AATK: variants seen among roughly 807,000 people sequenced by gnomAD.
AATK encodes lemur tail kinase 1, also known as serine/threonine-protein kinase LMTK1.
In AATK, 91 loss-of-function variants were observed where a neutral mutation model predicts 114.3. That is an observed-to-expected ratio of 0.80 (90% CI 0.67 to 0.95). The LOEUF is 0.95. AATK is among the 40% of genes least tolerant of loss of function. The pLI, the probability that AATK is intolerant of heterozygous loss-of-function variation, is 0.00. For synonymous variants in AATK, 1,075 were observed against 916.5 expected (o/e 1.17, Z -3.12); for missense variants, 2,176 against 1,965.2 (o/e 1.11, Z -2.03).
intron 1 of AATK, among the ~76,000 whole-genome samples, chr17:81,154,779 G>GC (rs1231622886): frequency 7.0e-5 from 10 of 142,802 alleles, no homozygotes; most frequent in African/African-American, 2.6e-4. Context: ...ACAGACTTGC[G>GC]CCATCACACC....
rs1005807583 is a variant in AATK, at chr17:81,160,510, T to A, written c.55+5428A>T. The stretch of plus-strand genomic sequence containing the variant: ...GGGGCGGGGAGGCCAAGGCCGCCGG[T>A]CCCGCGGGCGCTTGTTCCTCTGTGA... On this transcript the variant is annotated intron_variant, in intron 1 of 13. Coordinates refer to ENST00000326724, the MANE Select transcript of AATK (RefSeq NM_001080395.3). Among the ~76,000 whole-genome samples the A allele has an allele frequency of 2.0e-5, 3 of 152,174 alleles. 1 individual carries two copies. In the South Asian group the frequency reaches 6.2e-4, roughly 32 times the overall value.
At position 81,118,362 on chromosome 17, in the gene AATK, C is replaced by T; in HGVS notation, c.*40G>A. On this transcript the variant is annotated 3_prime_UTR_variant, in exon 14 of 14. Coordinates refer to ENST00000326724, the MANE Select transcript of AATK (RefSeq NM_001080395.3). ...TCCTCGCTGCTGCCTGGCAGGGGCT[C>T]CGGTGACGCCAGCCTTGAGGGGCAG... 6.3e-7 allele frequency: 1 copy of T among 1,579,852 alleles called. No individual in the cohort carries two copies. The highest frequency in any genetic ancestry group is 8.6e-7 in the Non-Finnish European group (1 of 1,163,292).
chr17:81,121,637 C>T lies in AATK; in HGVS notation c.2299G>A (p.Glu767Lys), dbSNP rs1488986104. ...APCLVTPSWT[E>K]TASSGGDHPQ... ...TGGTCACCCCCACTACTGGCTGTCTCTGTCCAGGAGGGTGTAACCAGGCAG... is the reference window on the plus strand; with the variant it reads ...TGGTCACCCCCACTACTGGCTGTCTTTGTCCAGGAGGGTGTAACCAGGCAG... Residue 767 changes from glutamate (E) to lysine (K), a missense_variant, in exon 11 of 14, where the codon GAG (glutamate) becomes AAG (lysine). This residue lies in a region of AATK where 1,701 missense variants were observed against 1,394.7 expected (regional missense o/e 1.22). Coordinates refer to ENST00000326724, the MANE Select transcript of AATK (RefSeq NM_001080395.3). The T allele has an allele frequency of 6.7e-7, 1 of 1,492,774 alleles. No individual in the cohort carries two copies. Among genetic ancestry groups the T allele is most frequent in the Non-Finnish European group, 8.9e-7 (1 of 1,123,964 alleles). 92.5% of individuals were successfully genotyped at this position (1,492,774 alleles called of 1,614,324 possible). A position where few individuals can be genotyped will look rare whatever the true frequency, so the allele number is the denominator to read the frequency against.
intron 1 of AATK, among the ~76,000 whole-genome samples, chr17:81,141,084 T>G (rs187455014): frequency 6.6e-6 from 1 of 151,632 alleles, no homozygotes; most frequent in Admixed American, 6.5e-5. Flanking sequence ...GAGCCGTGGA[T>G]GCAAGGGGCT....
chr17:81,156,906 C>T (rs2146408924), intron 1 of AATK, among the ~76,000 whole-genome samples: 1 of 133,480 alleles, frequency 7.5e-6, no homozygotes, highest in South Asian at 2.6e-4. Flanking sequence ...ACCCCCTCCC[C>T]AACTCAGAAG....
Position 81,121,676 on chromosome 17 carries a change from G to A in AATK, c.2260C>T (p.Leu754=), listed in dbSNP as rs2060701291. 1 of 1,499,036 alleles carries A rather than the reference G, an allele frequency of 6.7e-7. No individual in the cohort carries two copies. The highest frequency in any genetic ancestry group is 8.9e-7 in the Non-Finnish European group (1 of 1,128,714). The allele number at this position is 1,499,036 out of a possible 1,614,324, so 92.9% of individuals were successfully genotyped here. Residue 754 remains leucine (L), a synonymous_variant, in exon 11 of 14, where the codon CTG becomes TTG. Coordinates refer to ENST00000326724, the MANE Select transcript of AATK (RefSeq NM_001080395.3). The stretch of plus-strand genomic sequence containing the variant: ...GTAACCAGGCAGGGAGCAGGTGCCA[G>A]GCCCTGGGCAGAGCATAGATGAGGG... ...GLPHLCSAQG[L]APAPCLVTPS...
intron 9 of AATK, among the ~76,000 whole-genome samples, chr17:81,124,290 C>T (rs1016642790): frequency 1.1e-3 from 164 of 152,302 alleles, no homozygotes; most frequent in African/African-American, 3.6e-3. Context: ...ATGAACGCTC[C>T]GGGCTAGGCA....
intron 1 of AATK, among the ~76,000 whole-genome samples, chr17:81,159,465 G>A (rs1197248558): frequency 2.6e-5 from 4 of 152,144 alleles, no homozygotes; most frequent in South Asian, 4.1e-4. Flanking sequence ...AGGTCAGAGC[G>A]CACTTGTGTG....
Position 81,126,433 on chromosome 17 carries a change from A to G in AATK, c.749T>C (p.Val250Ala). The G allele has an allele frequency of 6.4e-7, 1 of 1,562,684 alleles. No individual in the cohort carries two copies. Among genetic ancestry groups the G allele is most frequent in the Non-Finnish European group, 8.7e-7 (1 of 1,153,538 alleles). ...GVLHLHRNNF[V>A]HSDLALRNCL... ...GGCCCGCGCCCGCCCTCACCTGTGCACGAAATTGTTGCGATGAAGGTGCAG... is the reference window on the plus strand; with the variant it reads ...GGCCCGCGCCCGCCCTCACCTGTGCGCGAAATTGTTGCGATGAAGGTGCAG... The change falls in exon 7 of 14, where the codon GTG (valine) becomes GCG (alanine). Residue 250 changes from valine (V) to alanine (A), a missense_variant. Around this residue, in one of 4 missense-constraint regions of AATK, gnomAD observed 273 missense variants for 344.1 expected, o/e 0.79. Coordinates refer to ENST00000326724, the MANE Select transcript of AATK (RefSeq NM_001080395.3). This position sits in a 1 kb window ranked among gnomAD's most constrained non-coding sequence, Gnocchi z 5.1.
Position 81,122,125 on chromosome 17 carries a change from A to G in AATK, c.1811T>C (p.Leu604Pro), listed in dbSNP as rs1013273374. The G allele has an allele frequency of 2.6e-6, 4 of 1,544,584 alleles. No homozygotes were observed. The African/African-American group carries it at 4.1e-5, about 16-fold the overall frequency. ...GGGCGAGGGAGAGCGTGAGGGGCAG[A>G]GCGGGTCCCGCGCCAAGCTTCTGCG... ...YPRRSLARDPLCPSRSPSPSA... is the reference protein window; with the variant it reads ...YPRRSLARDPPCPSRSPSPSA... Residue 604 changes from leucine to proline, a missense_variant, in exon 11 of 14, where the codon CTC becomes CCC. By Grantham distance (98) the Leu-to-Pro change is moderately conservative (BLOSUM62 -3). Coordinates refer to ENST00000326724, the MANE Select transcript of AATK (RefSeq NM_001080395.3).
At chr17:81,156,074 CTATGTTACAATG>C (rs539541751) in intron 1 of AATK, among the ~76,000 whole-genome samples, 250 of 142,800 alleles carry the variant, frequency 1.8e-3, no homozygotes, top group Non-Finnish European at 1.6e-3. Flanking sequence ...ATGTATGTTA[CTATGTTACAATG>C]TATGTTACAA....
At chr17:81,147,668 A>C (rs937843610) in intron 1 of AATK, among the ~76,000 whole-genome samples, 15 of 151,698 alleles carry the variant, frequency 9.9e-5, no homozygotes, top group African/African-American at 4.8e-5. Context: ...AGGTCGGAGG[A>C]TCGCTTAAGC....
chr17:81,122,856 G>A (rs774577810), intron 10 of AATK, 33 bp from the exon 11 acceptor site: 3 of 1,418,652 alleles, frequency 2.1e-6, no homozygotes, highest in Non-Finnish European at 2.8e-6. Context: ...CCACGTCAGA[G>A]GCAACGCTGG....
At chr17:81,130,647 C>T (rs1349880057) in intron 3 of AATK, among the ~76,000 whole-genome samples, 1 of 152,172 alleles carries the variant, frequency 6.6e-6, no homozygotes, top group Non-Finnish European at 1.5e-5. Flanking sequence ...TGGGGTCAAG[C>T]ATCCCTGGAC....
chr17:81,134,586 T>C, intron 1 of AATK, 85 bp from the exon 2 acceptor site: 1 of 1,504,738 alleles, frequency 6.6e-7, no homozygotes, highest in Non-Finnish European at 9.0e-7. Flanking sequence ...CAGCCCCACC[T>C]GGACTTGCTG....
At position 81,126,099 on chromosome 17, in the gene AATK, C is replaced by T; in HGVS notation, c.755+328G>A. On this transcript the variant is annotated intron_variant, in intron 7 of 13. Coordinates refer to ENST00000326724, the MANE Select transcript of AATK (RefSeq NM_001080395.3). The surrounding 1 kb of genome is among the most constrained non-coding windows in gnomAD (Gnocchi z 5.1). ...GGGTCCTTCGAAGCAGGGTCTGTCT[C>T]CCTCAAGCCCCAAAGCGAGGGCTTA... 3 of 502,840 alleles carry T rather than the reference C, an allele frequency of 6.0e-6. No individual in the cohort carries two copies. The highest frequency in any genetic ancestry group is 4.9e-5 in the South Asian group (3 of 60,844). The allele number at this position is 502,840 out of a possible 1,614,324, so 31.1% of individuals were successfully genotyped here.
At chr17:81,164,605 G>A (rs572406538) in intron 1 of AATK, among the ~76,000 whole-genome samples, 50 of 152,388 alleles carry the variant, frequency 3.3e-4, no homozygotes, top group Middle Eastern at 3.4e-3. Context: ...GGACAAGGCT[G>A]GGCCCCGAGG....
intron 1 of AATK, among the ~76,000 whole-genome samples, chr17:81,137,286 A>G (rs967826924): frequency 1.3e-5 from 2 of 148,688 alleles, no homozygotes; most frequent in East Asian, 3.9e-4. Flanking sequence ...AATTACTACC[A>G]CCCCACTTTG....
chr17:81,124,972 C>T lies in AATK; in HGVS notation c.798G>A (p.Thr266=), dbSNP rs145491215. 3.6e-5 allele frequency: 57 copies of T among 1,580,638 alleles called. No homozygotes were observed. Among genetic ancestry groups the T allele is most frequent in the Admixed American group, 3.1e-4 (17 of 55,724 alleles). The change falls in exon 8 of 14, where the codon ACG becomes ACA. Residue 266 remains threonine, a synonymous_variant. Transcript: ENST00000326724. Reference sequence around the variant, plus strand: ...CCAGGCCATAGTCACCAATCTTCACCGTCAGGTCAGCCGTGAGCAGGCAGT... The same window carrying T: ...CCAGGCCATAGTCACCAATCTTCACTGTCAGGTCAGCCGTGAGCAGGCAGT... ...LRNCLLTADL[T]VKIGDYGLAH...
Sources: allele counts gnomAD v4.1 joint callset (sites outside exome capture counted in the v4.1 genomes callset), GRCh38; gene constraint gnomAD v4.1.1; regional missense constraint gnomAD v4.1.1; non-coding constraint Gnocchi (gnomAD v3.1); transcripts MANE v1.5; gene names NCBI Gene and HGNC (gene_info 2026-07-23, HGNC 2026-07-21).